The following CORO2B variants were observed in gnomAD, a reference collection of about 807,000 sequenced individuals.
The protein encoded by CORO2B is coronin-2B.
In CORO2B, 26 loss-of-function variants were observed where a neutral mutation model predicts 58.8. That is an observed-to-expected ratio of 0.44 (90% confidence interval 0.32 to 0.61). CORO2B has a LOEUF of 0.61. CORO2B is among the 20% of genes least tolerant of loss of function. CORO2B has a pLI of 0.04. For missense variants in CORO2B, 460 were observed against 645.1 expected, an observed-to-expected ratio of 0.71 and a Z score of 3.11; for synonymous variants, 242 against 253.8, an observed-to-expected ratio of 0.95 and a Z score of 0.44.
rs147344913 is a variant in CORO2B, at chr15:68,621,077, A to G, written c.16-24083A>G. On this transcript the variant is annotated intron_variant, in intron 1 of 11. Coordinates refer to ENST00000261861, the MANE Select transcript of CORO2B (RefSeq NM_006091.5). ...GTGTTACTCAGCTTGGAGTGGACGG[A>G]TGAGATCGGCAGTGAATATTCTCAA... 4.7e-3 allele frequency among the ~76,000 whole-genome samples: 719 copies of G among 152,334 alleles called. 3 individuals carry two copies. Among genetic ancestry groups the G allele is most frequent in the African/African-American group, 0.016 (645 of 41,570 alleles).
rs746146671 is a variant in CORO2B at position 68,715,298 on chromosome 15, G to A, written c.954G>A (p.Pro318=). ...SYLMEFRSPA[P]QKGLGVMPKH... is the part of the protein sequence containing the mutation. ...TCATGGAGTTCCGCTCCCCAGCCCC[G>A]CAGAAAGGCCTAGGTAAGTGGCCCC... Residue 318 remains proline (P), a synonymous_variant, in exon 8 of 12, where the codon CCG becomes CCA. Transcript: ENST00000261861. The A allele has an allele frequency of 2.9e-5, 47 of 1,613,600 alleles. No individual in the cohort carries two copies. Among genetic ancestry groups the A allele is most frequent in the Admixed American group, 1.3e-4 (8 of 59,956 alleles).
the CORO2B span, among the ~76,000 whole-genome samples, chr15:68,556,150 A>T: frequency 6.6e-6 from 1 of 152,214 alleles, no homozygotes; most frequent in Non-Finnish European, 1.5e-5. Context: ...GAGAAGGGAG[A>T]GCCACTCATC....
chr15:68,538,082 G>C, the CORO2B span, among the ~76,000 whole-genome samples: 1 of 152,222 alleles, frequency 6.6e-6, no homozygotes, highest in African/African-American at 2.4e-5. Context: ...TAACTATTCA[G>C]AGAAATATAT....
chr15:68,672,629 A>G (rs1902440922), intron 2 of CORO2B, among the ~76,000 whole-genome samples: 1 of 152,166 alleles, frequency 6.6e-6, no homozygotes, highest in South Asian at 2.1e-4. Context: ...AATTCATCTG[A>G]CTCTCAAAAG....
chr15:68,549,932 C>A, the CORO2B span, among the ~76,000 whole-genome samples: 1 of 98,878 alleles, frequency 1.0e-5, no homozygotes, highest in Non-Finnish European at 2.1e-5. Context: ...CAGAGCAAGA[C>A]TATGTCTCAA....
chr15:68,617,161 G>C (rs543612200), intron 1 of CORO2B, among the ~76,000 whole-genome samples: 1 of 152,064 alleles, frequency 6.6e-6, no homozygotes, highest in African/African-American at 2.4e-5. Context: ...ATTGGCTTTC[G>C]TGGGCTCCAG....
intron 3 of CORO2B, among the ~76,000 whole-genome samples, chr15:68,698,635 C>A (rs978868687): frequency 1.3e-5 from 2 of 152,130 alleles, no homozygotes; most frequent in African/African-American, 4.8e-5. Flanking sequence ...ATCTGGTAGA[C>A]CTGGGCTGGA....
the CORO2B span, among the ~76,000 whole-genome samples, chr15:68,537,497 T>C: frequency 2.6e-5 from 4 of 152,200 alleles, no homozygotes; most frequent in Admixed American, 2.0e-4. Context: ...TTTTTGCTAA[T>C]TTTTTTTAAG....
At chr15:68,604,772 G>GA (rs1348398691) in intron 1 of CORO2B, among the ~76,000 whole-genome samples, 4 of 152,172 alleles carry the variant, frequency 2.6e-5, no homozygotes, top group Admixed American at 6.5e-5. Context: ...TGCCTTTCTA[G>GA]ATTGTGCATT....
At chr15:68,559,730 G>T in the CORO2B span, 1 of 761,416 alleles carries the variant, frequency 1.3e-6, no homozygotes, top group Non-Finnish European at 1.6e-6. This position sits in a 1 kb window ranked among gnomAD's most constrained non-coding sequence, Gnocchi z 4.3. Context: ...TGTCGGTGAG[G>T]CTGCGGCGCC....
At chr15:68,682,150 A>G (rs986804129) in intron 2 of CORO2B, among the ~76,000 whole-genome samples, 4 of 152,182 alleles carry the variant, frequency 2.6e-5, no homozygotes, top group Non-Finnish European at 4.4e-5. Flanking sequence ...ACAGAGGGAG[A>G]GTCCTCCAAA....
chr15:68,717,548 G>T (rs12594757), intron 8 of CORO2B, among the ~76,000 whole-genome samples: 3,016 of 152,174 alleles, frequency 0.02, 98 homozygotes, highest in African/African-American at 0.068. Flanking sequence ...AGCAGGAAGG[G>T]CTCAGAATGA....
chr15:68,552,924 C>T, the CORO2B span, among the ~76,000 whole-genome samples: 4 of 152,250 alleles, frequency 2.6e-5, no homozygotes, highest in Admixed American at 6.5e-5. Flanking sequence ...GCTGCGCTTC[C>T]TGCTGTCAGT....
At chr15:68,606,933 A>G (rs555353825) in intron 1 of CORO2B, among the ~76,000 whole-genome samples, 149 of 152,180 alleles carry the variant, frequency 9.8e-4, no homozygotes, top group Non-Finnish European at 1.9e-3. Context: ...TTGACTCGGA[A>G]CCAGGAAAGG....
At chr15:68,634,270 T>G (rs555073107) in intron 1 of CORO2B, among the ~76,000 whole-genome samples, 131 of 152,272 alleles carry the variant, frequency 8.6e-4, no homozygotes, top group African/African-American at 3.0e-3. Context: ...AGTCTAGAAA[T>G]GCAGAAGAAA....
chr15:68,550,958 G>A, the CORO2B span, among the ~76,000 whole-genome samples: 2 of 152,074 alleles, frequency 1.3e-5, no homozygotes, highest in Non-Finnish European at 2.9e-5. Context: ...CCCACTTATG[G>A]GCTACCCCAC....
At chr15:68,533,107 C>T in the CORO2B span, among the ~76,000 whole-genome samples, 97 of 152,300 alleles carry the variant, frequency 6.4e-4, no homozygotes, top group African/African-American at 2.2e-3. Flanking sequence ...TCATGCTCTA[C>T]TTGATATTCT....
intron 7 of CORO2B, 59 bp downstream of exon 7, chr15:68,714,722 A>AC: frequency 1.6e-6 from 2 of 1,268,166 alleles, no homozygotes; most frequent in Admixed American, 3.4e-5. Context: ...CCCTCAATGC[A>AC]CCCCTGCACC....
chr15:68,526,220 G>A, the CORO2B span, among the ~76,000 whole-genome samples: 5 of 152,150 alleles, frequency 3.3e-5, no homozygotes, highest in African/African-American at 9.7e-5. Context: ...TTATTAAGAT[G>A]TTATGAACAC....
Sources: gnomAD v4.1 joint callset for allele counts (sites outside exome capture counted in the v4.1 genomes callset) on GRCh38, gnomAD v4.1.1 for gene constraint, Gnocchi (gnomAD v3.1) non-coding constraint, MANE v1.5 for transcripts, NCBI Gene and HGNC (gene_info 2026-07-23, HGNC 2026-07-21) for gene names.